CMSS1: variants seen among roughly 807,000 people sequenced by gnomAD.
CMSS1 encodes cms1 ribosomal small subunit homolog.
A neutral mutation model predicts 43.5 loss-of-function variants in CMSS1; 33 were observed. The observed-to-expected ratio is 0.76, with a 90% CI of 0.57 to 1.01. The LOEUF is 1.01. Among genes scored for constraint, CMSS1 ranks in the 50% least tolerant of loss-of-function variants. CMSS1 has a pLI of 0.00. For missense variants in CMSS1, 313 were observed against 326.4 expected (o/e 0.96, Z 0.32); for synonymous variants, 115 against 117.2 (o/e 0.98, Z 0.12).
At chr3:100,090,702 A>G (rs2066089170) in intron 1 of CMSS1, among the ~76,000 whole-genome samples, 1 of 152,114 alleles carries the variant, frequency 6.6e-6, no homozygotes, top group African/African-American at 2.4e-5. Flanking sequence ...GCTGTATTTA[A>G]TTAGGACACC....
chr3:100,077,884 G>A (rs1486514071), intron 1 of CMSS1, among the ~76,000 whole-genome samples: 1 of 151,816 alleles, frequency 6.6e-6, no homozygotes, highest in Non-Finnish European at 1.5e-5. Context: ...CTCCAACCTG[G>A]GTGACAGAAT....
intron 1 of CMSS1, among the ~76,000 whole-genome samples, chr3:99,866,040 C>T (rs776804741): frequency 5.3e-5 from 8 of 152,064 alleles, no homozygotes; most frequent in Non-Finnish European, 8.8e-5. Flanking sequence ...GATTCCTTCT[C>T]TTAACCTCTA....
At chr3:100,143,377 A>G (rs186752020) in intron 1 of CMSS1, among the ~76,000 whole-genome samples, 2 of 152,328 alleles carry the variant, frequency 1.3e-5, no homozygotes, top group East Asian at 3.9e-4. Flanking sequence ...TTGGCCTTTC[A>G]TTATTAGCCA....
chr3:99,876,341 G>T, intron 1 of CMSS1: 1 of 437,724 alleles, frequency 2.3e-6, no homozygotes, highest in Non-Finnish European at 3.0e-6. Context: ...TTCCGGCCGT[G>T]TGAACGGACC....
intron 1 of CMSS1, among the ~76,000 whole-genome samples, chr3:100,041,749 T>C (rs1347805141): frequency 6.6e-6 from 1 of 152,210 alleles, no homozygotes; most frequent in Non-Finnish European, 1.5e-5. Flanking sequence ...CTATGTAGCA[T>C]GGTTTTAGAC....
chr3:99,827,212 G>A (rs565082074), intron 1 of CMSS1, among the ~76,000 whole-genome samples: 2 of 151,952 alleles, frequency 1.3e-5, no homozygotes, highest in African/African-American at 4.8e-5. Flanking sequence ...ATTATTTTGA[G>A]ACAGAGTCTC....
intron 1 of CMSS1, chr3:99,876,161 G>A (rs1041958256): frequency 1.0e-5 from 10 of 985,556 alleles, no homozygotes; most frequent in Non-Finnish European, 1.1e-5. Context: ...TCCGAGAGTC[G>A]CCCGAACAAT....
chr3:99,864,798 G>A (rs957713185), intron 1 of CMSS1, among the ~76,000 whole-genome samples: 6 of 151,904 alleles, frequency 3.9e-5, no homozygotes, highest in African/African-American at 1.5e-4. Context: ...GGAACCACTG[G>A]ATTCCCCCTC....
chr3:99,849,255 A>G (rs937999797), intron 1 of CMSS1: 4 of 1,614,062 alleles, frequency 2.5e-6, no homozygotes, highest in Admixed American at 3.3e-5. Flanking sequence ...CAGGTGGTTC[A>G]TTGTCTACTG....
intron 1 of CMSS1, among the ~76,000 whole-genome samples, chr3:100,044,349 C>G (rs1234260508): frequency 6.6e-6 from 1 of 151,904 alleles, no homozygotes; most frequent in Non-Finnish European, 1.5e-5. Context: ...GTATTTACAT[C>G]ATAGTATAAA....
chr3:100,109,446 C>T (rs1388460765), intron 1 of CMSS1, among the ~76,000 whole-genome samples: 2 of 152,156 alleles, frequency 1.3e-5, no homozygotes, highest in Non-Finnish European at 2.9e-5. Context: ...AGTTCCATCA[C>T]CCGAGATGTT....
chr3:99,875,095 G>A (rs1705443785), intron 1 of CMSS1, among the ~76,000 whole-genome samples: 1 of 152,174 alleles, frequency 6.6e-6, no homozygotes, highest in South Asian at 2.1e-4. Context: ...ACCAGATAAG[G>A]ATTGAATGAT....
At chr3:100,123,818 G>A (rs2066640803) in intron 1 of CMSS1, among the ~76,000 whole-genome samples, 1 of 152,224 alleles carries the variant, frequency 6.6e-6, no homozygotes, top group Non-Finnish European at 1.5e-5. Flanking sequence ...CAATGTCCTA[G>A]ATCTGCTATC....
At chr3:99,852,920 G>T (rs1221576124) in intron 1 of CMSS1, among the ~76,000 whole-genome samples, 1 of 152,126 alleles carries the variant, frequency 6.6e-6, no homozygotes, top group Non-Finnish European at 1.5e-5. Context: ...TCCACTTTTA[G>T]TTTTTTCTGT....
intron 1 of CMSS1, among the ~76,000 whole-genome samples, chr3:100,001,057 T>A (rs527643264): frequency 6.6e-6 from 1 of 152,148 alleles, no homozygotes; most frequent in Non-Finnish European, 1.5e-5. Context: ...ACACACACAC[T>A]CTTCCCAAAA....
chr3:100,024,770 G>A (rs984372674), intron 1 of CMSS1, among the ~76,000 whole-genome samples: 1 of 152,084 alleles, frequency 6.6e-6, no homozygotes, highest in Admixed American at 6.5e-5. Context: ...CAGTTACGGA[G>A]GCTTCTGAAT....
chr3:99,826,855 C>T (rs894187700), intron 1 of CMSS1, among the ~76,000 whole-genome samples: 1 of 152,170 alleles, frequency 6.6e-6, no homozygotes, highest in African/African-American at 2.4e-5. Flanking sequence ...AGGTTTTTAA[C>T]ATTTTTGTTA....
chr3:99,828,916 T>C (rs139847327), intron 1 of CMSS1, among the ~76,000 whole-genome samples: 1,731 of 151,284 alleles, frequency 0.011, 20 homozygotes, highest in African/African-American at 0.026. Flanking sequence ...CAATGCTGCC[T>C]ATCATCCCTC....
intron 1 of CMSS1, among the ~76,000 whole-genome samples, chr3:100,144,835 A>C (rs1194880041): frequency 6.6e-6 from 1 of 152,190 alleles, no homozygotes; most frequent in Non-Finnish European, 1.5e-5. Flanking sequence ...TAATGAGGCA[A>C]AAAGATAACC....
Sources: allele counts gnomAD v4.1 joint callset (sites outside exome capture counted in the v4.1 genomes callset), GRCh38; gene constraint gnomAD v4.1.1; transcripts MANE v1.5; gene names NCBI Gene and HGNC (gene_info 2026-07-23, HGNC 2026-07-21).